Variants in PLXNA4 observed in about 807,000 individuals in gnomAD.
The protein encoded by PLXNA4 is plexin A4.
In PLXNA4, 44 loss-of-function variants were observed where a neutral mutation model predicts 191.8. The ratio of observed to expected loss-of-function variants is 0.23; its 90% CI spans 0.18 to 0.29. The LOEUF is 0.29. Among genes scored for constraint, PLXNA4 ranks in the 10% least tolerant of loss-of-function variants. The pLI, the probability that PLXNA4 is intolerant of heterozygous loss-of-function variation, is 1.00. For missense variants in PLXNA4, 1,800 were observed against 2,488.8 expected (o/e 0.72, Z 5.89); for synonymous variants, 1,082 against 1,009.5 (o/e 1.07, Z -1.36).
chr7:132,580,917 G>A (rs1802390736), upstream of PLXNA4, among the ~76,000 whole-genome samples: 1 of 152,120 alleles, frequency 6.6e-6, no homozygotes, highest in Non-Finnish European at 1.5e-5. Flanking sequence ...AGGACAGCAG[G>A]AATATCATCA....
At chr7:132,142,098 G>A (rs1306727361) in intron 29 of PLXNA4, among the ~76,000 whole-genome samples, 2 of 152,178 alleles carry the variant, frequency 1.3e-5, no homozygotes, top group Non-Finnish European at 2.9e-5. Flanking sequence ...CAGGAAATCT[G>A]CATTAACAAA....
intron 2 of PLXNA4, among the ~76,000 whole-genome samples, chr7:132,500,693 AC>A (rs1798213578): frequency 6.6e-6 from 1 of 152,224 alleles, no homozygotes; most frequent in Non-Finnish European, 1.5e-5. Context: ...AGGAGGAGAC[AC>A]AGGATGATGC....
intron 3 of PLXNA4, among the ~76,000 whole-genome samples, chr7:132,374,297 A>G (rs1454443925): frequency 6.6e-6 from 1 of 152,204 alleles, no homozygotes; most frequent in East Asian, 1.9e-4. Context: ...TGTGTTCATT[A>G]GGAGCCGCTG....
intron 2 of PLXNA4, among the ~76,000 whole-genome samples, chr7:132,629,723 T>C (rs1031541926): frequency 6.6e-6 from 1 of 152,220 alleles, no homozygotes; most frequent in African/African-American, 2.4e-5. Context: ...AAAACTAAGA[T>C]CAGCATTCTG....
chr7:132,269,194 T>A (rs991295645), intron 4 of PLXNA4, among the ~76,000 whole-genome samples: 1 of 152,140 alleles, frequency 6.6e-6, no homozygotes, highest in East Asian at 1.9e-4. Flanking sequence ...GATTTGGGTG[T>A]ATGAGAGCAA....
At chr7:132,191,318 T>G (rs1797079961) in intron 14 of PLXNA4, among the ~76,000 whole-genome samples, 1 of 152,078 alleles carries the variant, frequency 6.6e-6, no homozygotes, top group Non-Finnish European at 1.5e-5. Context: ...AATGAAGGGA[T>G]GCTGAGCCAC....
chr7:132,199,489 G>C (rs76871591), intron 12 of PLXNA4, among the ~76,000 whole-genome samples: 1 of 152,284 alleles, frequency 6.6e-6, no homozygotes, highest in African/African-American at 2.4e-5. Context: ...GCATCCAAGT[G>C]CCTGCTTTGA....
intron 1 of PLXNA4, among the ~76,000 whole-genome samples, chr7:132,543,131 T>C (rs1800153164): frequency 1.3e-5 from 2 of 152,236 alleles, no homozygotes; most frequent in Non-Finnish European, 2.9e-5. Context: ...TTCCTCCAGA[T>C]AGTATTGTTT....
chr7:132,596,317 G>A (rs1247239972), intron 2 of PLXNA4, among the ~76,000 whole-genome samples: 1 of 152,176 alleles, frequency 6.6e-6, no homozygotes, highest in African/African-American at 2.4e-5. Context: ...AGCAGGGCTG[G>A]ATGTTCCTGT....
chr7:132,234,840 G>T (rs745726490), intron 5 of PLXNA4, among the ~76,000 whole-genome samples: 1 of 152,146 alleles, frequency 6.6e-6, no homozygotes, highest in Non-Finnish European at 1.5e-5. Flanking sequence ...CAAAGAGTTT[G>T]CTGGGTGGAA....
intron 3 of PLXNA4, among the ~76,000 whole-genome samples, chr7:132,362,045 G>C (rs1047415869): frequency 1.3e-5 from 2 of 152,184 alleles, no homozygotes; most frequent in Non-Finnish European, 2.9e-5. Flanking sequence ...CCTGCAGCAT[G>C]TAATAAGAGA....
At chr7:132,257,779 G>A (rs773188002) in intron 4 of PLXNA4, among the ~76,000 whole-genome samples, 2 of 152,176 alleles carry the variant, frequency 1.3e-5, no homozygotes, top group Non-Finnish European at 2.9e-5. Flanking sequence ...GAAGGCCGTG[G>A]GCTGGTTTAC....
chr7:132,405,729 G>T (rs1385101804), intron 3 of PLXNA4, among the ~76,000 whole-genome samples: 3 of 152,202 alleles, frequency 2.0e-5, no homozygotes, highest in Non-Finnish European at 4.4e-5. Flanking sequence ...AACATACATT[G>T]TGAGGATGTG....
intron 1 of PLXNA4, among the ~76,000 whole-genome samples, chr7:132,570,265 G>A (rs971437610): frequency 4.6e-5 from 7 of 152,150 alleles, no homozygotes; most frequent in Non-Finnish European, 7.3e-5. Flanking sequence ...CTGAGATGGA[G>A]AGGAAGAAAA....
Position 132,170,873 on chromosome 7 carries a change from G to A in PLXNA4, c.4018-2301C>T, listed in dbSNP as rs937613853. ...CTCACTGTGGTGCTGGTCCTTGGAG[G>A]GCCAGTTCTCAGGAGACAAATGGGA... On this transcript the variant is annotated intron_variant, in intron 21 of 31. Transcript: ENST00000321063. 2.6e-5 allele frequency among the ~76,000 whole-genome samples: 4 copies of A among 152,170 alleles called. No individual in the cohort carries two copies. The South Asian group carries it at 8.3e-4, about 32-fold the overall frequency.
chr7:132,131,387 C>A (rs1325213749), intron 31 of PLXNA4, among the ~76,000 whole-genome samples: 1 of 152,102 alleles, frequency 6.6e-6, no homozygotes, highest in African/African-American at 2.4e-5. Flanking sequence ...AATCCACCTC[C>A]AGGGGAGAGG....
At chr7:132,423,545 C>T (rs992205915) in intron 3 of PLXNA4, among the ~76,000 whole-genome samples, 1 of 152,158 alleles carries the variant, frequency 6.6e-6, no homozygotes, top group Non-Finnish European at 1.5e-5. Flanking sequence ...CACATGTATG[C>T]CCATCCAGCT....
intron 3 of PLXNA4, among the ~76,000 whole-genome samples, chr7:132,353,763 C>A (rs1803586287): frequency 6.6e-6 from 1 of 152,134 alleles, no homozygotes; most frequent in Non-Finnish European, 1.5e-5. Context: ...GGATGAATTT[C>A]CTCCATTTAT....
intron 3 of PLXNA4, among the ~76,000 whole-genome samples, chr7:132,300,551 T>A (rs1191421172): frequency 2.0e-5 from 3 of 152,232 alleles, no homozygotes; most frequent in African/African-American, 7.2e-5. Flanking sequence ...AAAATGGAAA[T>A]GCCTCTGATT....
Sources: gnomAD v4.1 joint callset for allele counts (sites outside exome capture counted in the v4.1 genomes callset) on GRCh38, gnomAD v4.1.1 for gene constraint, MANE v1.5 for transcripts, NCBI Gene and HGNC (gene_info 2026-07-23, HGNC 2026-07-21) for gene names.